C2orf68: variants seen among roughly 807,000 people sequenced by gnomAD.
C2orf68 encodes chromosome 2 open reading frame 68, also known as UPF0561 protein C2orf68.
C2orf68 carries 15 observed loss-of-function variants against 19.1 expected under a neutral mutation model. That is an observed-to-expected ratio of 0.79 (90% CI 0.53 to 1.21). The LOEUF is 1.21. Among genes scored for constraint, C2orf68 ranks in the 50% most tolerant of loss-of-function variants. The pLI, the probability that C2orf68 is intolerant of heterozygous loss-of-function variation, is 0.00. For synonymous variants in C2orf68, 98 were observed against 91.0 expected (o/e 1.08, Z -0.44); for missense variants, 242 against 226.6 (o/e 1.07, Z -0.44).
chr2:85,608,038 G>A lies in C2orf68; in HGVS notation c.*907C>T, dbSNP rs551104597. 5 of 152,298 alleles carry A rather than the reference G, an allele frequency of 3.3e-5. No homozygotes were observed. The highest frequency in any genetic ancestry group is 4.1e-4 in the South Asian group (2 of 4,824). 9.4% of individuals were successfully genotyped at this position (152,298 alleles called of 1,614,324 possible). On this transcript the variant is annotated 3_prime_UTR_variant, in exon 4 of 4. Transcript: ENST00000306336. ...TCCCTTTGTAGGTATGTTCAGAACT[G>A]TTAAGTCACAACTGGAGAGTAAGTT...
intron 2 of C2orf68, chr2:85,611,430 A>G: frequency 6.6e-7 from 1 of 1,520,820 alleles, no homozygotes. Flanking sequence ...ACCGGCAGAT[A>G]AACTTCTTGC....
At position 85,611,705 on chromosome 2, in the gene C2orf68, G is replaced by A; in HGVS notation, c.189C>T (p.Arg63=). 1 of 1,586,498 alleles carries A rather than the reference G, an allele frequency of 6.3e-7. No homozygotes were observed. The highest frequency in any genetic ancestry group is 8.6e-7 in the Non-Finnish European group (1 of 1,167,976). The part of the protein sequence containing the change: ...RRHTPAPTRP[R]KPDLQVYLPR... ...GCAGGTACACCTGCAGGTCTGGCTT[G>A]CGGGGCCGCGTCGGCGCGGGCGTGT... Residue 63 remains arginine (R), a synonymous_variant, in exon 2 of 4, where the codon CGC becomes CGT. Transcript: ENST00000306336.
intron 2 of C2orf68, 118 bp from the exon 3 acceptor site, chr2:85,609,704 CG>C (rs1185987680): frequency 1.5e-6 from 2 of 1,333,694 alleles, no homozygotes; most frequent in African/African-American, 2.9e-5. Flanking sequence ...TTTTTTGAGA[CG>C]AAGTCTCACT....
At chr2:85,609,413 C>T in intron 3 of C2orf68, 22 bp downstream of exon 3, 1 of 1,611,694 alleles carries the variant, frequency 6.2e-7, no homozygotes, top group Non-Finnish European at 8.5e-7. Context: ...CTTCAGGCTG[C>T]AGCTGTTTCC....
rs369815691 is a variant in C2orf68 at position 85,608,903 on chromosome 2, G to A, written c.*42C>T. ...TAAATTCCCTGGGCAGAATTCTTCC[G>A]AGTGCAGTGAATCCAGCCTGGAGAG... On this transcript the variant is annotated 3_prime_UTR_variant, in exon 4 of 4. Transcript: ENST00000306336. 184 of 1,606,922 alleles carry A rather than the reference G, an allele frequency of 1.1e-4. No homozygotes were observed. The highest frequency in any genetic ancestry group is 1.5e-4 in the Non-Finnish European group (173 of 1,174,492).
rs1673566290 is a variant in C2orf68, at chr2:85,611,886, C to T, written c.99G>A (p.Gln33=). The T allele has an allele frequency of 6.3e-7, 1 of 1,596,510 alleles. No homozygotes were observed. The highest frequency in any genetic ancestry group is 1.1e-5 in the South Asian group (1 of 90,756). The part of the protein sequence containing the change: ...HGFVHHIRRN[Q]IARDDYDKKV... ...GCAGGGCGGGGCGGTACCGAGCGAT[C>T]TGGTTCCGTCGGATATGGTGCACGA... The change falls in exon 1 of 4, where the codon CAG becomes CAA. Residue 33 remains glutamine, a synonymous_variant. Transcript: ENST00000306336.
Position 85,612,003 on chromosome 2 carries a change from A to T in C2orf68, c.-19T>A. On this transcript the variant is annotated 5_prime_UTR_variant, in exon 1 of 4. Transcript: ENST00000306336. ...CCTCCATCAGGAGCCGGGGACGCAG[A>T]GTCGCCGCCGCCTCGACGGCCCCAA... is the stretch of plus-strand genomic sequence containing the variant. 6.7e-7 allele frequency: 1 copy of T among 1,490,110 alleles called. No individual in the cohort carries two copies. The highest frequency in any genetic ancestry group is 8.9e-7 in the Non-Finnish European group (1 of 1,125,740). The allele number at this position is 1,490,110 out of a possible 1,614,324, so 92.3% of individuals were successfully genotyped here.
Position 85,606,236 on chromosome 2 carries a change from C to T in C2orf68, c.*2709G>A, listed in dbSNP as rs1422429438. Among the ~76,000 whole-genome samples, 1 of 152,220 alleles carries T rather than the reference C, an allele frequency of 6.6e-6. No homozygotes were observed. Among genetic ancestry groups the T allele is most frequent in the Non-Finnish European group, 1.5e-5 (1 of 68,040 alleles). On this transcript the variant is annotated 3_prime_UTR_variant, in exon 4 of 4. Transcript: ENST00000306336. ...GTCAAATGAGCGGATTCTAAAGCAG[C>T]CTGCTGGGATGTTCCACTTAGTCTA...
rs147187251 is a variant in C2orf68 at position 85,608,235 on chromosome 2, G to C, written c.*710C>G. On this transcript the variant is annotated 3_prime_UTR_variant, in exon 4 of 4. Coordinates refer to ENST00000306336, the MANE Select transcript of C2orf68 (RefSeq NM_001013649.4). ...AGGTTTCCTGTCTAGACAGTGCAAA[G>C]CAGTGGAACATGCGAGAAACGAAAA... 6.6e-6 allele frequency: 1 copy of C among 152,350 alleles called. No individual in the cohort carries two copies. The highest frequency in any genetic ancestry group is 1.9e-4 in the East Asian group (1 of 5,182). The allele number at this position is 152,350 out of a possible 1,614,324, so 9.4% of individuals were successfully genotyped here.
chr2:85,611,497 T>A (rs1354810507), intron 2 of C2orf68, 171 bp downstream of exon 2: 8 of 1,550,712 alleles, frequency 5.2e-6, no homozygotes, highest in Non-Finnish European at 2.6e-6. Context: ...GTCGTCCCAG[T>A]TCTTGGTGAG....
chr2:85,611,489 C>A lies in C2orf68; in HGVS notation c.226+179G>T, dbSNP rs566764106. On this transcript the variant is annotated intron_variant, in intron 2 of 3. Transcript: ENST00000306336. ...GATGCTTAACTGGGGGCTTATGAGT[C>A]GTCCCAGTTCTTGGTGAGAATCATT... 4.5e-6 allele frequency: 7 copies of A among 1,549,980 alleles called. No homozygotes were observed. In the African/African-American group the frequency reaches 6.8e-5, roughly 15 times the overall value.
At position 85,609,477 on chromosome 2, in the gene C2orf68, G is replaced by A. The variant is rs767998112; in HGVS notation, c.336C>T (p.Tyr112=). The A allele has an allele frequency of 6.8e-5, 109 of 1,614,094 alleles. No individual in the cohort carries two copies. The highest frequency in any genetic ancestry group is 2.2e-4 in the East Asian group (10 of 44,900). The part of the protein sequence containing the change: ...PSGHQLFCLE[Y]EADSGEVTSV... The stretch of plus-strand genomic sequence containing the variant: ...ATGTGACCTCTCCACTGTCTGCCTC[G>A]TATTCTAAGCAGAAGAGCTGATGGC... Residue 112 remains tyrosine (Y), a synonymous_variant, in exon 3 of 4, where the codon TAC becomes TAT. Transcript: ENST00000306336.
rs1305745427 is a variant in C2orf68 at position 85,605,444 on chromosome 2, C to T, written c.*3501G>A. ...GCAAATTCTCCTGCCTCTGAGAAGGCAGAGAAGCCCTTTACTCAGAAGGTC... is the reference window on the plus strand; with the variant it reads ...GCAAATTCTCCTGCCTCTGAGAAGGTAGAGAAGCCCTTTACTCAGAAGGTC... On this transcript the variant is annotated 3_prime_UTR_variant, in exon 4 of 4. Coordinates refer to ENST00000306336, the MANE Select transcript of C2orf68 (RefSeq NM_001013649.4). 1.3e-5 allele frequency among the ~76,000 whole-genome samples: 2 copies of T among 152,158 alleles called. No individual in the cohort carries two copies. The highest frequency in any genetic ancestry group is 2.9e-5 in the Non-Finnish European group (2 of 68,036).
In C2orf68 at chr2:85,605,608, T is replaced by C. The variant is rs1673185438; in HGVS notation, c.*3337A>G. Reference sequence around the variant, plus strand: ...ATTTTAAGTAATTGTCAACATTCCATGGTGACTCTCCCCAAAAATCTAGTG... The same window carrying C: ...ATTTTAAGTAATTGTCAACATTCCACGGTGACTCTCCCCAAAAATCTAGTG... On this transcript the variant is annotated 3_prime_UTR_variant, in exon 4 of 4. Coordinates refer to ENST00000306336, the MANE Select transcript of C2orf68 (RefSeq NM_001013649.4). Among the ~76,000 whole-genome samples, 1 of 152,246 alleles carries C rather than the reference T, an allele frequency of 6.6e-6. No homozygotes were observed. Among genetic ancestry groups the C allele is most frequent in the African/African-American group, 2.4e-5 (1 of 41,464 alleles).
chr2:85,607,418 A>G lies in C2orf68; in HGVS notation c.*1527T>C, dbSNP rs1673257053. The G allele has an allele frequency of 6.6e-6, 1 of 152,182 alleles. No individual in the cohort carries two copies. The highest frequency in any genetic ancestry group is 2.4e-5 in the African/African-American group (1 of 41,436). 9.4% of individuals were successfully genotyped at this position (152,182 alleles called of 1,614,324 possible). On this transcript the variant is annotated 3_prime_UTR_variant, in exon 4 of 4. Coordinates refer to ENST00000306336, the MANE Select transcript of C2orf68 (RefSeq NM_001013649.4). The stretch of plus-strand genomic sequence containing the variant: ...GACAAAGACTTTCTCCTTTCAAAGG[A>G]GAACTGAGCCCAGGATTGGTAAGTT...
chr2:85,607,455 A>C lies in C2orf68; in HGVS notation c.*1490T>G, dbSNP rs888490929. 1 of 152,160 alleles carries C rather than the reference A, an allele frequency of 6.6e-6. No homozygotes were observed. Among genetic ancestry groups the C allele is most frequent in the African/African-American group, 2.4e-5 (1 of 41,426 alleles). 9.4% of individuals were successfully genotyped at this position (152,160 alleles called of 1,614,324 possible). ...AGGATTGGTAAGTTTAAGGCACTTAACCTTGACCAGCTCTGTAGGTCTGGA... is the reference window on the plus strand; with the variant it reads ...AGGATTGGTAAGTTTAAGGCACTTACCCTTGACCAGCTCTGTAGGTCTGGA... On this transcript the variant is annotated 3_prime_UTR_variant, in exon 4 of 4. Coordinates refer to ENST00000306336, the MANE Select transcript of C2orf68 (RefSeq NM_001013649.4).
Position 85,611,802 on chromosome 2 carries a change from C to A in C2orf68, c.108-16G>T. On this transcript the variant is annotated splice_polypyrimidine_tract_variant and intron_variant, in intron 1 of 3. Transcript: ENST00000306336. ...ATAGTCGTCCCTGCGGGGAGCCGAG[C>A]GGGAGTCAGGGACTGTCGGGCCGGG... The A allele has an allele frequency of 6.2e-7, 1 of 1,609,852 alleles. No individual in the cohort carries two copies. The highest frequency in any genetic ancestry group is 8.5e-7 in the Non-Finnish European group (1 of 1,179,362).
chr2:85,608,681 C>T lies in C2orf68; in HGVS notation c.*264G>A, dbSNP rs1673308099. The T allele has an allele frequency of 7.5e-6, 2 of 267,612 alleles. No homozygotes were observed. The highest frequency in any genetic ancestry group is 8.2e-5 in the Admixed American group (1 of 12,190). 16.6% of individuals were successfully genotyped at this position (267,612 alleles called of 1,614,324 possible). On this transcript the variant is annotated 3_prime_UTR_variant, in exon 4 of 4. Coordinates refer to ENST00000306336, the MANE Select transcript of C2orf68 (RefSeq NM_001013649.4). ...CCCTGGAGTCTCTGCTTCTAGAACA[C>T]ATTAGCCACACAAAATCCTCAAAAA...
In C2orf68 at chr2:85,607,162, G is replaced by A. The variant is rs1421894611; in HGVS notation, c.*1783C>T. On this transcript the variant is annotated 3_prime_UTR_variant, in exon 4 of 4. Transcript: ENST00000306336. The stretch of plus-strand genomic sequence containing the variant: ...CAGGAAACAGGTGATCCAGCTGTGC[G>A]AAAACAGACCTCAAATGTATTTCCA... 1 of 152,172 alleles carries A rather than the reference G, an allele frequency of 6.6e-6. No individual in the cohort carries two copies. The highest frequency in any genetic ancestry group is 2.4e-5 in the African/African-American group (1 of 41,418). The allele number at this position is 152,172 out of a possible 1,614,324, so 9.4% of individuals were successfully genotyped here.
Sources: gnomAD v4.1 joint callset for allele counts (sites outside exome capture counted in the v4.1 genomes callset) on GRCh38, gnomAD v4.1.1 for gene constraint, MANE v1.5 for transcripts, NCBI Gene and HGNC (gene_info 2026-07-23, HGNC 2026-07-21) for gene names.